SMIM35: variants seen among roughly 807,000 people sequenced by gnomAD.
SMIM35 encodes the protein small integral membrane protein 35.
At chr11:118,077,127 T>A (rs1944719477) in intron 1 of SMIM35, 1 of 616,484 alleles carries the variant, frequency 1.6e-6, no homozygotes, top group South Asian at 2.2e-5. Context: ...CGGACAAGGA[T>A]GCTGGGCGTG....
chr11:118,057,683 G>T (rs891609156), intron 1 of SMIM35, among the ~76,000 whole-genome samples: 8 of 152,226 alleles, frequency 5.3e-5, no homozygotes, highest in African/African-American at 1.9e-4. Context: ...CAAGTGAGTG[G>T]TATGTTGAGG....
chr11:118,063,148 C>A (rs957430155), intron 1 of SMIM35, among the ~76,000 whole-genome samples: 6 of 152,248 alleles, frequency 3.9e-5, no homozygotes, highest in Admixed American at 2.6e-4. Context: ...AATAGGCAAC[C>A]AGCAGCCCTC....
At chr11:118,068,419 T>C (rs1832731790) in intron 1 of SMIM35, among the ~76,000 whole-genome samples, 1 of 152,182 alleles carries the variant, frequency 6.6e-6, no homozygotes, top group African/African-American at 2.4e-5. Flanking sequence ...CCTCCCGGCC[T>C]GTGAAAGAGC....
chr11:118,035,625 C>A (rs1176138839), intron 1 of SMIM35, among the ~76,000 whole-genome samples: 5 of 152,186 alleles, frequency 3.3e-5, no homozygotes, highest in African/African-American at 1.2e-4. Flanking sequence ...CTCTCCCCAG[C>A]CAGTCTGCCC....
intron 1 of SMIM35, among the ~76,000 whole-genome samples, chr11:118,033,307 C>T (rs1173226010): frequency 3.3e-5 from 5 of 152,190 alleles, no homozygotes; most frequent in Admixed American, 6.5e-5. Flanking sequence ...TTTAGGTCTA[C>T]GTTTCGATGA....
chr11:118,015,754 C>T lies in SMIM35; in HGVS notation c.63G>A (p.Leu21=). ...GLILGVGLLL[L]LVSILGYSLA... ...GGCTGTAGCCGAGGATGGACACGAG[C>T]AGCAGCAAGAGCCCCACGCCAAGGA... The change falls in exon 2 of 5, where the codon CTG becomes CTA. Residue 21 remains leucine, a synonymous_variant. Coordinates refer to ENST00000689828, the MANE Select transcript of SMIM35 (RefSeq NM_001394165.1). The T allele has an allele frequency of 2.5e-6, 1 of 399,650 alleles. No homozygotes were observed. Among genetic ancestry groups the T allele is most frequent in the Non-Finnish European group, 4.4e-6 (1 of 226,554 alleles). The allele number at this position is 399,650 out of a possible 1,614,324, so 24.8% of individuals were successfully genotyped here.
intron 1 of SMIM35, among the ~76,000 whole-genome samples, chr11:118,018,367 G>A (rs1483653600): frequency 6.6e-6 from 1 of 152,140 alleles, no homozygotes; most frequent in African/African-American, 2.4e-5. Flanking sequence ...GAATGATGCT[G>A]GAGAAGGGGG....
At chr11:118,035,713 T>C (rs79961958) in intron 1 of SMIM35, among the ~76,000 whole-genome samples, 2 of 152,160 alleles carry the variant, frequency 1.3e-5, no homozygotes, top group African/African-American at 4.8e-5. Flanking sequence ...TGCTCACGTG[T>C]TGTCACAGCC....
intron 1 of SMIM35, among the ~76,000 whole-genome samples, chr11:118,021,441 C>G (rs888271540): frequency 1.3e-5 from 2 of 151,988 alleles, no homozygotes. Flanking sequence ...ATAATTTTAA[C>G]TTAATTCTTT....
intron 1 of SMIM35, among the ~76,000 whole-genome samples, chr11:118,041,842 G>C (rs1052610823): frequency 6.6e-6 from 1 of 151,890 alleles, no homozygotes; most frequent in Non-Finnish European, 1.5e-5. Flanking sequence ...CTTGAGGTTG[G>C]GAGTTCAAGA....
chr11:118,083,337 G>T (rs1565408863), intron 1 of SMIM35, among the ~76,000 whole-genome samples: 2 of 152,172 alleles, frequency 1.3e-5, no homozygotes, highest in Non-Finnish European at 1.5e-5. Flanking sequence ...TGAACTGCGT[G>T]TTCCACCCTC....
chr11:118,070,289 G>A (rs950478700), intron 1 of SMIM35, among the ~76,000 whole-genome samples: 16 of 152,094 alleles, frequency 1.1e-4, no homozygotes, highest in African/African-American at 3.9e-4. Context: ...TGATTCTCCT[G>A]CCTCGGGCTC....
intron 1 of SMIM35, among the ~76,000 whole-genome samples, chr11:118,076,212 C>G (rs1944681027): frequency 1.3e-5 from 2 of 152,186 alleles, no homozygotes; most frequent in African/African-American, 2.4e-5. Flanking sequence ...GTGGAGGTTG[C>G]AGTGAGCCAA....
intron 1 of SMIM35, among the ~76,000 whole-genome samples, chr11:118,083,028 C>G (rs182045692): frequency 6.6e-6 from 1 of 152,200 alleles, no homozygotes; most frequent in Non-Finnish European, 1.5e-5. Flanking sequence ...CCCCCACCCC[C>G]GCCACTTCTG....
At chr11:118,050,340 G>A (rs572897396) in intron 1 of SMIM35, among the ~76,000 whole-genome samples, 1 of 152,188 alleles carries the variant, frequency 6.6e-6, no homozygotes, top group Non-Finnish European at 1.5e-5. Context: ...CTGTAAAGAC[G>A]GGGTGCCAGC....
At chr11:118,072,389 G>A (rs1358326997) in intron 1 of SMIM35, among the ~76,000 whole-genome samples, 1 of 152,242 alleles carries the variant, frequency 6.6e-6, no homozygotes, top group Admixed American at 6.5e-5. Context: ...TCCGGAGGCT[G>A]AGGCAGGAGA....
intron 4 of SMIM35, among the ~76,000 whole-genome samples, chr11:118,007,046 TACAC>T (rs921148381): frequency 7.2e-5 from 11 of 151,884 alleles, no homozygotes; most frequent in Non-Finnish European, 1.3e-4. Context: ...GTGTAGTACA[TACAC>T]ACACACACGC....
intron 1 of SMIM35, among the ~76,000 whole-genome samples, chr11:118,042,295 G>A (rs898431479): frequency 1.3e-5 from 2 of 151,864 alleles, no homozygotes; most frequent in South Asian, 2.1e-4. Flanking sequence ...TGTTGTCAAC[G>A]TTACAGAAAC....
In SMIM35 at chr11:118,028,901, A is replaced by G. The variant is rs186766725; in HGVS notation, c.8-13092T>C. The G allele has an allele frequency of 4.9e-5, 21 of 430,384 alleles. No individual in the cohort carries two copies. The East Asian group carries it at 1.6e-3, about 32-fold the overall frequency. 26.7% of individuals were successfully genotyped at this position (430,384 alleles called of 1,614,324 possible). ...GGGGAGAAGAAGGAGGAGGGGAAGG[A>G]GGACAGGAGGAGGAGGAGGGGAAAA... On this transcript the variant is annotated intron_variant, in intron 1 of 4. Transcript: ENST00000689828.
Sources: allele counts gnomAD v4.1 joint callset (sites outside exome capture counted in the v4.1 genomes callset), GRCh38; gene constraint gnomAD v4.1.1; transcripts MANE v1.5; gene names NCBI Gene and HGNC (gene_info 2026-07-23, HGNC 2026-07-21).